The following BRCC3 variants were observed in gnomAD, a reference collection of about 807,000 sequenced individuals.
BRCC3 encodes lys-63-specific deubiquitinase BRCC36.
In BRCC3, 15 loss-of-function variants were observed where a neutral mutation model predicts 28.0. That is an observed-to-expected ratio of 0.54 (90% CI 0.36 to 0.82). BRCC3 has a LOEUF of 0.82. Among genes scored for constraint, BRCC3 ranks in the 40% least tolerant of loss-of-function variants. The pLI, the probability that BRCC3 is intolerant of heterozygous loss-of-function variation, is 0.01. For synonymous variants in BRCC3, 66 were observed against 80.3 expected (o/e 0.82, Z 0.95); for missense variants, 109 against 225.9 (o/e 0.48, Z 3.32).
At chrX:155,105,732 C>T (rs1479727523) in intron 7 of BRCC3, among the ~76,000 whole-genome samples, 1 of 111,845 alleles carries the variant, frequency 8.9e-6, no homozygotes, top group Non-Finnish European at 1.9e-5. Flanking sequence ...GGAGTCTCGC[C>T]CAGTTGTCCA....
intron 7 of BRCC3, among the ~76,000 whole-genome samples, chrX:155,102,697 G>A (rs1557297014): frequency 8.9e-6 from 1 of 112,215 alleles, no homozygotes; most frequent in Non-Finnish European, 1.9e-5. Context: ...TCACCATTAA[G>A]TATGATGTTA....
chrX:155,075,333 TCC>T (rs1557293432), intron 3 of BRCC3, among the ~76,000 whole-genome samples: 1 of 110,239 alleles, frequency 9.1e-6, no homozygotes, highest in Non-Finnish European at 1.9e-5. Context: ...ATGTGGCCAC[TCC>T]CCTTGATTCA....
intron 5 of BRCC3, among the ~76,000 whole-genome samples, chrX:155,084,350 C>A (rs191642720): frequency 2.7e-5 from 3 of 110,918 alleles, no homozygotes; most frequent in Non-Finnish European, 5.7e-5. Flanking sequence ...ACGGTGAGTT[C>A]TAATATCTTT....
chrX:155,081,557 A>C (rs893378772), intron 5 of BRCC3, among the ~76,000 whole-genome samples: 3 of 111,973 alleles, frequency 2.7e-5, no homozygotes, highest in African/African-American at 9.7e-5. Context: ...TGCATTACAA[A>C]CCTCAGAAAA....
At chrX:155,074,185 G>A (rs183980982) in intron 3 of BRCC3, among the ~76,000 whole-genome samples, 269 of 111,910 alleles carry the variant, frequency 2.4e-3, no homozygotes, top group African/African-American at 8.2e-3. Context: ...TCTTTTCTGG[G>A]TCTTCTCCCT....
chrX:155,113,247 G>T (rs1428572660), intron 7 of BRCC3, among the ~76,000 whole-genome samples: 1 of 105,033 alleles, frequency 9.5e-6, no homozygotes, highest in Non-Finnish European at 1.9e-5. Flanking sequence ...GAACCAATTT[G>T]GGCAATTCAC....
rs782435013 is a variant in BRCC3 at position 155,099,376 on chromosome X, A to C, written c.548+8537A>C. On this transcript the variant is annotated intron_variant, in intron 7 of 10. Transcript: ENST00000330045. ...CCAGCACATCTCCATTGAGGGCCAG[A>C]AGGAAGAGGAAAGGTAGGAGGGCAA... The C allele has an allele frequency of 4.5e-5, 54 of 1,206,575 alleles. No homozygotes were observed. The East Asian group carries it at 1.6e-3, about 35-fold the overall frequency.
intron 5 of BRCC3, among the ~76,000 whole-genome samples, chrX:155,080,450 T>C (rs1557294061): frequency 1.6e-5 from 1 of 63,247 alleles, no homozygotes; most frequent in Non-Finnish European, 3.0e-5. Context: ...AACATTTCAA[T>C]CTTTATAGCA....
intron 4 of BRCC3, 52 bp from the exon 5 acceptor site, chrX:155,078,564 T>G (rs1557293879): frequency 1.1e-6 from 1 of 888,370 alleles, no homozygotes; most frequent in Non-Finnish European, 1.6e-6. Context: ...TGAGCCCTTA[T>G]TAGCATCATA....
At chrX:155,073,501 C>T in intron 3 of BRCC3, 70 bp downstream of exon 3, 1 of 1,083,605 alleles carries the variant, frequency 9.2e-7, no homozygotes, top group Non-Finnish European at 1.2e-6. Flanking sequence ...CCAGTGATCT[C>T]AGCCAGAGTA....
intron 5 of BRCC3, among the ~76,000 whole-genome samples, chrX:155,087,625 CTG>C (rs1488340988): frequency 1.8e-5 from 2 of 111,541 alleles, no homozygotes; most frequent in Non-Finnish European, 3.8e-5. Flanking sequence ...GGACTGAACA[CTG>C]AGCCTGGGCC....
chrX:155,084,316 T>C (rs2074104652), intron 5 of BRCC3, among the ~76,000 whole-genome samples: 1 of 112,201 alleles, frequency 8.9e-6, no homozygotes, highest in South Asian at 3.7e-4. Context: ...TTTTAAGATC[T>C]GCTCAATTTT....
At chrX:155,078,851 A>G (rs2074064855) in intron 5 of BRCC3, 148 bp downstream of exon 5, 1 of 403,559 alleles carries the variant, frequency 2.5e-6, no homozygotes, top group Non-Finnish European at 4.3e-6. Context: ...TTATGTATTA[A>G]AAGTAATGAT....
At chrX:155,114,093 C>T (rs1358316265) in intron 7 of BRCC3, among the ~76,000 whole-genome samples, 1 of 111,027 alleles carries the variant, frequency 9.0e-6, no homozygotes, top group Non-Finnish European at 1.9e-5. Context: ...TATGATCTAC[C>T]AGTCTCACTT....
intron 9 of BRCC3, among the ~76,000 whole-genome samples, chrX:155,119,349 T>C (rs1281717144): frequency 1.2e-4 from 13 of 111,901 alleles, no homozygotes; most frequent in African/African-American, 4.2e-4. Flanking sequence ...ACAGTGGTCA[T>C]TTAAGTAACA....
intron 7 of BRCC3, among the ~76,000 whole-genome samples, chrX:155,091,743 C>A (rs2074176746): frequency 9.3e-6 from 1 of 107,376 alleles, no homozygotes; most frequent in Non-Finnish European, 1.9e-5. Context: ...CAGTACAGAA[C>A]TGATTAAATA....
At chrX:155,092,525 A>G (rs2074181422) in intron 7 of BRCC3, among the ~76,000 whole-genome samples, 1 of 111,818 alleles carries the variant, frequency 8.9e-6, no homozygotes, top group African/African-American at 3.3e-5. Flanking sequence ...AGTGTAGTGT[A>G]CTATGATTCC....
chrX:155,078,049 G>A (rs1440339272), intron 4 of BRCC3, among the ~76,000 whole-genome samples: 2 of 112,176 alleles, frequency 1.8e-5, no homozygotes, highest in Non-Finnish European at 3.8e-5. Flanking sequence ...TGTTTGCCAG[G>A]CACTATGCTA....
At position 155,073,161 on chromosome X, in the gene BRCC3, T is replaced by C. The variant is rs1013055169; in HGVS notation, c.141-216T>C. Among the ~76,000 whole-genome samples the C allele has an allele frequency of 2.7e-5, 3 of 112,007 alleles. No homozygotes were observed. In the East Asian group the frequency reaches 8.3e-4, roughly 31 times the overall value. The stretch of plus-strand genomic sequence containing the variant: ...CCAGGATTCCAGGAATTTAGCTTTG[T>C]CCATTATAACTTTATACACTCAGCC... On this transcript the variant is annotated intron_variant, in intron 2 of 10. Transcript: ENST00000330045.
Sources: gnomAD v4.1 joint callset for allele counts (sites outside exome capture counted in the v4.1 genomes callset) on GRCh38, gnomAD v4.1.1 for gene constraint, MANE v1.5 for transcripts, NCBI Gene and HGNC (gene_info 2026-07-23, HGNC 2026-07-21) for gene names.